Variants in TBC1D4 observed in about 807,000 individuals in gnomAD.
The protein encoded by TBC1D4 is TBC (Tre-2, BUB2, CDC16) domain-containing protein.
A neutral mutation model predicts 142.5 loss-of-function variants in TBC1D4; 121 were observed. The ratio of observed to expected loss-of-function variants is 0.85; its 90% CI spans 0.73 to 0.99. The LOEUF is 0.99. TBC1D4 is among the 50% of genes least tolerant of loss of function. TBC1D4 has a pLI of 0.00. For missense variants in TBC1D4, 1,475 were observed against 1,606.6 expected (o/e 0.92, Z 1.40); for synonymous variants, 630 against 628.2 (o/e 1.00, Z -0.04).
intron 1 of TBC1D4, among the ~76,000 whole-genome samples, chr13:75,441,510 A>G (rs376986180): frequency 4.6e-5 from 7 of 152,304 alleles, no homozygotes; most frequent in Middle Eastern, 3.4e-3. Flanking sequence ...AAAAAATTCA[A>G]ATAGTTTCCC....
rs1242445505 is a variant in TBC1D4, at chr13:75,351,045, TA to T, written c.1276-1744del. 2.6e-5 allele frequency among the ~76,000 whole-genome samples: 4 copies of T among 152,158 alleles called. 1 individual carries two copies. On this transcript the variant is annotated intron_variant, in intron 4 of 20. Coordinates refer to ENST00000377636, the MANE Select transcript of TBC1D4 (RefSeq NM_014832.5). ...AAAGTTATAGGTCATGTCAAAAGGT[TA>T]AAAGCAAAGGAATGGGCAAAGATAA...
At chr13:75,306,154 T>C (rs1271194593) in intron 15 of TBC1D4, among the ~76,000 whole-genome samples, 159 bp downstream of exon 15, 1 of 152,032 alleles carries the variant, frequency 6.6e-6, no homozygotes. Context: ...AGACAGTCAC[T>C]AAACTACAGG....
chr13:75,354,866 A>G (rs753996559), intron 4 of TBC1D4, among the ~76,000 whole-genome samples: 6 of 152,106 alleles, frequency 3.9e-5, no homozygotes, highest in Non-Finnish European at 5.9e-5. Flanking sequence ...CACAAGGACA[A>G]TCTCAAATTT....
At chr13:75,410,085 A>C (rs142991560) in intron 1 of TBC1D4, among the ~76,000 whole-genome samples, 4 of 152,190 alleles carry the variant, frequency 2.6e-5, no homozygotes, top group African/African-American at 9.7e-5. Context: ...GCACTCTCAG[A>C]GTATTGTTGT....
Position 75,481,681 on chromosome 13 carries a change from C to T in TBC1D4, c.87G>A (p.Gly29=), listed in dbSNP as rs1016298242. The T allele has an allele frequency of 6.2e-7, 1 of 1,601,148 alleles. No individual in the cohort carries two copies. Among genetic ancestry groups the T allele is most frequent in the Non-Finnish European group, 8.5e-7 (1 of 1,174,708 alleles). Residue 29 remains glycine (G), a synonymous_variant, in exon 1 of 21, where the codon GGG becomes GGA. Coordinates refer to ENST00000377636, the MANE Select transcript of TBC1D4 (RefSeq NM_014832.5). ...GCCGGAACCGCTTATCGCTTGGCTT[C>T]CCGGGGCCGGGCTGAGCTGAGACGC... is the stretch of plus-strand genomic sequence containing the variant. ...EPGVSAQPGP[G]KPSDKRFRLW... is the part of the protein sequence containing the mutation.
chr13:75,298,766 T>TACAC (rs767678319), intron 17 of TBC1D4, among the ~76,000 whole-genome samples: 2 of 142,884 alleles, frequency 1.4e-5, no homozygotes, highest in East Asian at 2.0e-4. Flanking sequence ...CACACACACA[T>TACAC]ACACACACAC....
intron 1 of TBC1D4, among the ~76,000 whole-genome samples, chr13:75,379,611 A>G (rs6562888): frequency 0.48 from 72,196 of 151,932 alleles, 18,113 homozygotes; most frequent in South Asian, 0.71. Flanking sequence ...TACATCTATT[A>G]CAAACATAGC....
intron 1 of TBC1D4, among the ~76,000 whole-genome samples, chr13:75,418,763 T>C (rs1886032203): frequency 6.6e-6 from 1 of 152,226 alleles, no homozygotes; most frequent in South Asian, 2.1e-4. Context: ...TTCTCAATTT[T>C]TGGAATCACA....
intron 1 of TBC1D4, among the ~76,000 whole-genome samples, chr13:75,370,870 T>C (rs183434237): frequency 1.3e-4 from 20 of 152,000 alleles, no homozygotes; most frequent in Admixed American, 8.5e-4. Flanking sequence ...ATCAAGAGTA[T>C]AGAAGACAGA....
At chr13:75,430,277 C>T (rs1382010820) in intron 1 of TBC1D4, among the ~76,000 whole-genome samples, 1 of 152,156 alleles carries the variant, frequency 6.6e-6, no homozygotes, top group African/African-American at 2.4e-5. Context: ...TCCTTTCTCA[C>T]TGTGAAATAT....
chr13:75,325,435 G>A (rs1199694631), intron 10 of TBC1D4, among the ~76,000 whole-genome samples: 17 of 149,844 alleles, frequency 1.1e-4, no homozygotes, highest in African/African-American at 3.7e-4. Context: ...TCTCTCCAAC[G>A]AGCATCTTTA....
At chr13:75,368,636 T>C (rs1883056925) in intron 1 of TBC1D4, among the ~76,000 whole-genome samples, 1 of 152,212 alleles carries the variant, frequency 6.6e-6, no homozygotes, top group African/African-American at 2.4e-5. Context: ...CTGTAAAAGG[T>C]ACGACTTGTG....
At chr13:75,477,716 A>G (rs1042299630) in intron 1 of TBC1D4, among the ~76,000 whole-genome samples, 4 of 152,222 alleles carry the variant, frequency 2.6e-5, no homozygotes, top group Admixed American at 2.6e-4. Flanking sequence ...ATATTTACAG[A>G]GTATTAGTGA....
chr13:75,469,068 A>T lies in TBC1D4; in HGVS notation c.498+12202T>A, dbSNP rs150109000. ...GAGGAAGTGACATTTGCAATTTAACAGAGAACTGAAGCCCAGGATAAAAAA... is the reference window on the plus strand; with the variant it reads ...GAGGAAGTGACATTTGCAATTTAACTGAGAACTGAAGCCCAGGATAAAAAA... On this transcript the variant is annotated intron_variant, in intron 1 of 20. Coordinates refer to ENST00000377636, the MANE Select transcript of TBC1D4 (RefSeq NM_014832.5). Among the ~76,000 whole-genome samples, 40 of 152,348 alleles carry T rather than the reference A, an allele frequency of 2.6e-4. No individual in the cohort carries two copies. The East Asian group carries it at 6.9e-3, about 26-fold the overall frequency.
intron 1 of TBC1D4, among the ~76,000 whole-genome samples, chr13:75,421,358 G>C (rs990725829): frequency 3.9e-5 from 6 of 152,170 alleles, no homozygotes; most frequent in African/African-American, 1.2e-4. Context: ...ACTGCATGGG[G>C]ACTTTGTGAA....
intron 10 of TBC1D4, among the ~76,000 whole-genome samples, chr13:75,324,920 G>A (rs548195035): frequency 6.6e-6 from 1 of 152,250 alleles, no homozygotes; most frequent in Admixed American, 6.5e-5. Flanking sequence ...GAGGACAGTG[G>A]AATTGTGCCA....
intron 14 of TBC1D4, among the ~76,000 whole-genome samples, chr13:75,308,865 C>T (rs77486884): frequency 0.014 from 2,196 of 152,202 alleles, 51 homozygotes; most frequent in African/African-American, 0.049. Context: ...ATCCTATGTA[C>T]TTTTCACTCT....
At chr13:75,468,949 A>T (rs1194907046) in intron 1 of TBC1D4, among the ~76,000 whole-genome samples, 1 of 152,222 alleles carries the variant, frequency 6.6e-6, no homozygotes, top group East Asian at 1.9e-4. Flanking sequence ...TGTAAAAAAG[A>T]AAATTAATTT....
intron 10 of TBC1D4, 76 bp downstream of exon 10, chr13:75,326,121 T>A: frequency 6.6e-7 from 1 of 1,520,244 alleles, no homozygotes. Context: ...AAATTCACAA[T>A]CCACCTTGAC....
Sources: gnomAD v4.1 joint callset for allele counts (sites outside exome capture counted in the v4.1 genomes callset) on GRCh38, gnomAD v4.1.1 for gene constraint, MANE v1.5 for transcripts, NCBI Gene and HGNC (gene_info 2026-07-23, HGNC 2026-07-21) for gene names.